NIM1K: variants seen among roughly 807,000 people sequenced by gnomAD.
NIM1K encodes serine/threonine-protein kinase NIM1.
A neutral mutation model predicts 37.1 loss-of-function variants in NIM1K; 35 were observed. The ratio of observed to expected loss-of-function variants is 0.94; its 90% confidence interval spans 0.72 to 1.25. NIM1K has a LOEUF of 1.25. Among genes scored for constraint, NIM1K ranks in the 50% most tolerant of loss-of-function variants. The pLI is 0.00. For missense variants in NIM1K, 564 were observed against 548.0 expected (o/e 1.03, Z -0.29); for synonymous variants, 234 against 206.6 (o/e 1.13, Z -1.14).
At chr5:43,213,289 C>CTTTTCTTTT (rs1561075027) in intron 1 of NIM1K, among the ~76,000 whole-genome samples, 1,315 of 37,820 alleles carry the variant, frequency 0.035, 118 homozygotes, top group African/African-American at 0.056. Context: ...TGTTTCCTTT[C>CTTTTCTTTT]CTTTTCTTTT....
intron 1 of NIM1K, among the ~76,000 whole-genome samples, chr5:43,241,108 C>G (rs1383437995): frequency 6.6e-6 from 1 of 151,998 alleles, no homozygotes. Context: ...TTTCCCCATA[C>G]TATCTCTCAC....
intron 1 of NIM1K, among the ~76,000 whole-genome samples, chr5:43,221,288 A>G (rs1412463641): frequency 6.6e-6 from 1 of 151,910 alleles, no homozygotes; most frequent in Admixed American, 6.6e-5. Flanking sequence ...CAGCTTGGCC[A>G]ACATAATGAA....
At position 43,210,960 on chromosome 5, in the gene NIM1K, C is replaced by A. The variant is rs186771727; in HGVS notation, c.-695+18549C>A. Among the ~76,000 whole-genome samples, 86 of 152,202 alleles carry A rather than the reference C, an allele frequency of 5.7e-4. No individual in the cohort carries two copies. The South Asian group carries it at 0.012, about 22-fold the overall frequency. On this transcript the variant is annotated intron_variant, in intron 1 of 3. Transcript: ENST00000326035. ...CCAAGGCAGGCGGATCACTTGAGGT[C>A]GGGAGTTGGAGACCAGCCTGGCTAA...
chr5:43,269,388 C>A (rs1365282564), intron 2 of NIM1K, among the ~76,000 whole-genome samples: 5 of 151,578 alleles, frequency 3.3e-5, no homozygotes, highest in Non-Finnish European at 4.4e-5. Context: ...TCTTTTCCCA[C>A]CCCTTTACCT....
At chr5:43,274,319 T>C (rs569755349) in intron 2 of NIM1K, among the ~76,000 whole-genome samples, 1 of 152,258 alleles carries the variant, frequency 6.6e-6, no homozygotes, top group South Asian at 2.1e-4. Flanking sequence ...ACACTCACTG[T>C]GGATAGAATG....
At chr5:43,229,787 C>A (rs1411573565) in intron 1 of NIM1K, among the ~76,000 whole-genome samples, 2 of 151,908 alleles carry the variant, frequency 1.3e-5, no homozygotes, top group Non-Finnish European at 2.9e-5. Context: ...CAGGCTCATG[C>A]CACCATGCCC....
chr5:43,254,210 A>G (rs1368802222), intron 2 of NIM1K, among the ~76,000 whole-genome samples: 1 of 152,194 alleles, frequency 6.6e-6, no homozygotes, highest in Non-Finnish European at 1.5e-5. Context: ...TATGGGTGAG[A>G]GCAGGACGGG....
chr5:43,260,840 T>C (rs1037765970), intron 2 of NIM1K, among the ~76,000 whole-genome samples: 2 of 151,698 alleles, frequency 1.3e-5, no homozygotes, highest in African/African-American at 4.8e-5. Flanking sequence ...AATTCCCACC[T>C]ATGAGTGAGA....
intron 1 of NIM1K, among the ~76,000 whole-genome samples, chr5:43,198,350 T>G (rs1751966478): frequency 6.8e-6 from 1 of 146,244 alleles, no homozygotes; most frequent in Non-Finnish European, 1.5e-5. Flanking sequence ...CTTTCTTTCT[T>G]TCTGTCTTGC....
intron 1 of NIM1K, among the ~76,000 whole-genome samples, chr5:43,209,000 G>A (rs763226437): frequency 1.2e-4 from 19 of 152,216 alleles, no homozygotes; most frequent in Non-Finnish European, 1.8e-4. Flanking sequence ...TGGAGAAATT[G>A]AGAAGTGCAA....
chr5:43,244,953 A>G (rs1579976699), intron 1 of NIM1K, 129 bp from the exon 2 acceptor site: 1 of 152,228 alleles, frequency 6.6e-6, no homozygotes, highest in South Asian at 2.1e-4. Context: ...TCAAGCATCT[A>G]CTACTGATAT....
intron 1 of NIM1K, among the ~76,000 whole-genome samples, chr5:43,220,010 C>A (rs1752359108): frequency 1.3e-5 from 2 of 152,204 alleles, no homozygotes; most frequent in South Asian, 4.1e-4. Context: ...CAGGCGTGAG[C>A]CACCGTGCCC....
chr5:43,208,670 A>G (rs72752584), intron 1 of NIM1K, among the ~76,000 whole-genome samples: 533 of 152,368 alleles, frequency 3.5e-3, no homozygotes, highest in Non-Finnish European at 4.9e-3. Context: ...CTGGGTATGT[A>G]GAGCCACATG....
intron 2 of NIM1K, among the ~76,000 whole-genome samples, chr5:43,263,395 A>C (rs1027583321): frequency 1.4e-4 from 22 of 151,936 alleles, no homozygotes; most frequent in African/African-American, 5.1e-4. Context: ...GTTTATTTGC[A>C]GAGTGGTATT....
chr5:43,274,796 C>T (rs1275024821), intron 2 of NIM1K, among the ~76,000 whole-genome samples: 1 of 152,184 alleles, frequency 6.6e-6, no homozygotes, highest in East Asian at 1.9e-4. Context: ...TTTAATATAC[C>T]AATAACACTC....
chr5:43,201,296 C>G (rs1445111192), intron 1 of NIM1K, among the ~76,000 whole-genome samples: 1 of 151,962 alleles, frequency 6.6e-6, no homozygotes, highest in Non-Finnish European at 1.5e-5. Context: ...GCATTCCCAG[C>G]TACTGGGGAG....
intron 1 of NIM1K, among the ~76,000 whole-genome samples, chr5:43,199,622 T>A (rs1579952107): frequency 6.6e-6 from 1 of 152,196 alleles, no homozygotes; most frequent in South Asian, 2.1e-4. Context: ...AGGAAAGCAC[T>A]AATTATCAGA....
chr5:43,195,268 T>C (rs1450766858), intron 1 of NIM1K, among the ~76,000 whole-genome samples: 1 of 152,234 alleles, frequency 6.6e-6, no homozygotes, highest in Non-Finnish European at 1.5e-5. Flanking sequence ...GTTCTTAAAT[T>C]ACTTTCTCTC....
chr5:43,208,943 ACT>A (rs1312590192), intron 1 of NIM1K, among the ~76,000 whole-genome samples: 1 of 152,210 alleles, frequency 6.6e-6, no homozygotes, highest in African/African-American at 2.4e-5. Flanking sequence ...AGGAGCAGGA[ACT>A]CGGGCAAAGG....
Sources: allele counts gnomAD v4.1 joint callset (sites outside exome capture counted in the v4.1 genomes callset), GRCh38; gene constraint gnomAD v4.1.1; transcripts MANE v1.5; gene names NCBI Gene and HGNC (gene_info 2026-07-23, HGNC 2026-07-21).